Variants in EIF4EBP2 observed in about 807,000 individuals in gnomAD.
EIF4EBP2 encodes eukaryotic translation initiation factor 4E-binding protein 2.
A neutral mutation model predicts 10.3 loss-of-function variants in EIF4EBP2; 5 were observed. The ratio of observed to expected loss-of-function variants is 0.48; its 90% CI spans 0.25 to 1.02. The LOEUF is 1.02. EIF4EBP2 is among the 50% of genes least tolerant of loss of function. The pLI, the probability that EIF4EBP2 is intolerant of heterozygous loss-of-function variation, is 0.15. For missense variants in EIF4EBP2, 188 were observed against 162.2 expected, an observed-to-expected ratio of 1.16 and a Z score of -0.86; for synonymous variants, 67 against 61.1, an observed-to-expected ratio of 1.10 and a Z score of -0.45.
chr10:70,408,255 G>A (rs898235529), intron 1 of EIF4EBP2, among the ~76,000 whole-genome samples: 1 of 150,218 alleles, frequency 6.7e-6, no homozygotes, highest in African/African-American at 2.4e-5. Flanking sequence ...CGGGCACAGG[G>A]TCTCCTCACT....
intron 1 of EIF4EBP2, among the ~76,000 whole-genome samples, chr10:70,419,028 A>G (rs1470319086): frequency 6.6e-6 from 1 of 152,160 alleles, no homozygotes; most frequent in Non-Finnish European, 1.5e-5. Context: ...TGTGGCCCAG[A>G]CTAGACTCAG....
At chr10:70,404,660 G>C in intron 1 of EIF4EBP2, 114 bp downstream of exon 1, 1 of 1,328,976 alleles carries the variant, frequency 7.5e-7, no homozygotes, top group Non-Finnish European at 9.8e-7. Flanking sequence ...CGAAGCCCCG[G>C]GGACGCTGCC....
rs1169497211 is a variant in EIF4EBP2 at position 70,422,325 on chromosome 10, C to A, written c.*578C>A. On this transcript the variant is annotated 3_prime_UTR_variant, in exon 3 of 3. Transcript: ENST00000373218. ...ACCTTGAGGTATTCGTCCCTCGGGA[C>A]AGAGCACAGCTTGTGCAACTCTGGT... The A allele has an allele frequency of 6.6e-6, 1 of 152,452 alleles. No homozygotes were observed. The highest frequency in any genetic ancestry group is 1.5e-5 in the Non-Finnish European group (1 of 68,190). 9.4% of individuals were successfully genotyped at this position (152,452 alleles called of 1,614,324 possible). A position where few individuals can be genotyped will look rare whatever the true frequency, so the allele number is the denominator to read the frequency against.
At chr10:70,418,446 A>C (rs1751552702) in intron 1 of EIF4EBP2, among the ~76,000 whole-genome samples, 1 of 152,180 alleles carries the variant, frequency 6.6e-6, no homozygotes, top group Non-Finnish European at 1.5e-5. Context: ...GGAGGGGTGC[A>C]CCAGCACAAC....
rs1845188205 is a variant in EIF4EBP2 at position 70,424,489 on chromosome 10, A to T, written c.*2742A>T. 1 of 152,180 alleles carries T rather than the reference A, an allele frequency of 6.6e-6. No individual in the cohort carries two copies. Among genetic ancestry groups the T allele is most frequent in the Non-Finnish European group, 1.5e-5 (1 of 68,038 alleles). 9.4% of individuals were successfully genotyped at this position (152,180 alleles called of 1,614,324 possible). On this transcript the variant is annotated 3_prime_UTR_variant, in exon 3 of 3. Coordinates refer to ENST00000373218, the MANE Select transcript of EIF4EBP2 (RefSeq NM_004096.5). Reference sequence around the variant, plus strand: ...GATACCTTTGTGTCATGCCTCATGGAATTATTTTTAGAACAAGCCAGAGTC... The same window carrying T: ...GATACCTTTGTGTCATGCCTCATGGTATTATTTTTAGAACAAGCCAGAGTC...
In EIF4EBP2 at chr10:70,420,062, GAAC is replaced by G; in HGVS notation, c.298_300del (p.Asn100del). On this transcript the variant is annotated inframe_deletion, in exon 2 of 3. Transcript: ENST00000373218. ...ACTCCAAAGTAGAAGTAAACAATTT[GAAC>G]AACTTGAACAATCACGACAGGAAAC... 1 of 1,610,256 alleles carries G rather than the reference GAAC, an allele frequency of 6.2e-7. No individual in the cohort carries two copies. The highest frequency in any genetic ancestry group is 8.5e-7 in the Non-Finnish European group (1 of 1,178,874).
chr10:70,409,541 A>G (rs558023679), intron 1 of EIF4EBP2, among the ~76,000 whole-genome samples: 1 of 152,306 alleles, frequency 6.6e-6, no homozygotes, highest in African/African-American at 2.4e-5. Flanking sequence ...GAGTCCCTCA[A>G]ATTTAGTATC....
intron 1 of EIF4EBP2, among the ~76,000 whole-genome samples, chr10:70,414,373 A>G (rs1225566369): frequency 6.6e-6 from 1 of 152,222 alleles, no homozygotes; most frequent in Non-Finnish European, 1.5e-5. Context: ...TATAAATACT[A>G]TACTTTCATA....
At position 70,428,271 on chromosome 10, in the gene EIF4EBP2, A is replaced by G. The variant is rs544356292; in HGVS notation, c.*6524A>G. 69 of 152,000 alleles carry G rather than the reference A, an allele frequency of 4.5e-4. 2 individuals carry two copies. Among genetic ancestry groups the G allele is most frequent in the Admixed American group, 4.5e-3 (68 of 15,280 alleles). 9.4% of individuals were successfully genotyped at this position (152,000 alleles called of 1,614,324 possible). ...GGTGTCCATTTTATGCATCTTTAAA[A>G]TATTTTATTTAAAAAAAAAAATAGC... On this transcript the variant is annotated 3_prime_UTR_variant, in exon 3 of 3. Coordinates refer to ENST00000373218, the MANE Select transcript of EIF4EBP2 (RefSeq NM_004096.5).
At chr10:70,409,214 A>G (rs529829308) in intron 1 of EIF4EBP2, among the ~76,000 whole-genome samples, 2 of 152,296 alleles carry the variant, frequency 1.3e-5, no homozygotes, top group East Asian at 3.9e-4. Flanking sequence ...TGGATTTCTC[A>G]TATTGCTGGA....
intron 1 of EIF4EBP2, among the ~76,000 whole-genome samples, chr10:70,416,913 T>G (rs762782321): frequency 2.0e-5 from 3 of 152,162 alleles, no homozygotes; most frequent in Non-Finnish European, 4.4e-5. Context: ...GTAATACACG[T>G]TGGCCTCCCA....
chr10:70,404,353 C>T lies in EIF4EBP2; in HGVS notation c.-49C>T. On this transcript the variant is annotated 5_prime_UTR_variant, in exon 1 of 3. Coordinates refer to ENST00000373218, the MANE Select transcript of EIF4EBP2 (RefSeq NM_004096.5). ...AGGAGCCGAAGCAGCCCCGGCCCCG[C>T]CGCCGCCGCCTGCCCGCCGGACAAA... 6.7e-7 allele frequency: 1 copy of T among 1,488,562 alleles called. No individual in the cohort carries two copies. The highest frequency in any genetic ancestry group is 8.9e-7 in the Non-Finnish European group (1 of 1,122,326). 92.2% of individuals were successfully genotyped at this position (1,488,562 alleles called of 1,614,324 possible).
At chr10:70,419,588 A>G (rs940564390) in intron 1 of EIF4EBP2, among the ~76,000 whole-genome samples, 2 of 149,020 alleles carry the variant, frequency 1.3e-5, no homozygotes, top group African/African-American at 4.9e-5. Flanking sequence ...ATGGATAAAC[A>G]GGAGTCCTGT....
At chr10:70,420,986 G>A (rs1338469997) in intron 2 of EIF4EBP2, among the ~76,000 whole-genome samples, 2 of 151,886 alleles carry the variant, frequency 1.3e-5, no homozygotes, top group African/African-American at 4.8e-5. Flanking sequence ...TAGTAGAGAC[G>A]GGGTTTCACC....
intron 1 of EIF4EBP2, among the ~76,000 whole-genome samples, chr10:70,412,572 C>T (rs114387615): frequency 0.015 from 2,229 of 152,180 alleles, 56 homozygotes; most frequent in African/African-American, 0.051. Flanking sequence ...TGAAAGAGGC[C>T]GTTACGCTTG....
chr10:70,417,677 T>C (rs1845111842), intron 1 of EIF4EBP2, among the ~76,000 whole-genome samples: 1 of 152,092 alleles, frequency 6.6e-6, no homozygotes, highest in African/African-American at 2.4e-5. Flanking sequence ...GAAAGCTTGC[T>C]TCTGTGCTGT....
intron 1 of EIF4EBP2, among the ~76,000 whole-genome samples, chr10:70,407,709 C>T (rs547555811): frequency 7.3e-5 from 10 of 137,800 alleles, no homozygotes; most frequent in Admixed American, 5.9e-4. Context: ...AGGCGCCGCT[C>T]ACCTCCCGGG....
chr10:70,404,802 C>T (rs1844951770), intron 1 of EIF4EBP2, among the ~76,000 whole-genome samples: 1 of 152,238 alleles, frequency 6.6e-6, no homozygotes, highest in Non-Finnish European at 1.5e-5. Context: ...CGCTTCGTGG[C>T]AGGCTTACGC....
At chr10:70,416,996 A>G in intron 1 of EIF4EBP2, among the ~76,000 whole-genome samples, 1 of 152,178 alleles carries the variant, frequency 6.6e-6, no homozygotes, top group East Asian at 1.9e-4. Flanking sequence ...ACCCAAGAGA[A>G]TGGAAATGTG....
Sources: allele counts gnomAD v4.1 joint callset (sites outside exome capture counted in the v4.1 genomes callset), GRCh38; gene constraint gnomAD v4.1.1; transcripts MANE v1.5; gene names NCBI Gene and HGNC (gene_info 2026-07-23, HGNC 2026-07-21).